HEPACAM: variants seen among roughly 807,000 people sequenced by gnomAD.
HEPACAM encodes the protein hepatic and glial cell adhesion molecule, also known as hepatocyte cell adhesion molecule.
HEPACAM carries 18 observed loss-of-function variants against 38.3 expected under a neutral mutation model. The observed-to-expected ratio is 0.47, with a 90% CI of 0.33 to 0.70. HEPACAM has a LOEUF of 0.70. HEPACAM is among the 30% of genes least tolerant of loss of function. The pLI, the probability that HEPACAM is intolerant of heterozygous loss-of-function variation, is 0.03. For synonymous variants in HEPACAM, 216 were observed against 243.1 expected (o/e 0.89, Z 1.04); for missense variants, 466 against 563.0 (o/e 0.83, Z 1.74).
At chr11:124,923,454 A>G (rs749538532) in intron 3 of HEPACAM, 21 bp from the exon 4 acceptor site, 3 of 1,533,964 alleles carry the variant, frequency 2.0e-6, no homozygotes, top group South Asian at 1.1e-5. Flanking sequence ...AGAGAAGCAG[A>G]GAGGCAGGAG....
Position 124,924,633 on chromosome 11 carries a change from G to A in HEPACAM, c.427+95C>T, listed in dbSNP as rs1312078333. ...CATTCTCAGCTCCCAAGTGCCTTTTGGGTTGGTTTTCCCTCAGTCTAGCTG... is the reference window on the plus strand; with the variant it reads ...CATTCTCAGCTCCCAAGTGCCTTTTAGGTTGGTTTTCCCTCAGTCTAGCTG... On this transcript the variant is annotated intron_variant, in intron 2 of 6. Transcript: ENST00000298251. The surrounding 1 kb of genome is among the most constrained non-coding windows in gnomAD (Gnocchi z 4.4). The A allele has an allele frequency of 1.8e-6, 2 of 1,114,620 alleles. No individual in the cohort carries two copies. Among genetic ancestry groups the A allele is most frequent in the African/African-American group, 3.1e-5 (2 of 65,458 alleles). 69.0% of individuals were successfully genotyped at this position (1,114,620 alleles called of 1,614,324 possible).
rs535609914 is a variant in HEPACAM at position 124,920,918 on chromosome 11, C to G, written c.*220G>C. The G allele has an allele frequency of 1.5e-6, 2 of 1,355,678 alleles. No homozygotes were observed. The highest frequency in any genetic ancestry group is 1.9e-6 in the Non-Finnish European group (2 of 1,057,146). The allele number at this position is 1,355,678 out of a possible 1,614,324, so 84.0% of individuals were successfully genotyped here. A position where few individuals can be genotyped will look rare whatever the true frequency, so the allele number is the denominator to read the frequency against. On this transcript the variant is annotated 3_prime_UTR_variant, in exon 7 of 7. Transcript: ENST00000298251. ...ACCAAGTGAGGACACAGCCAGTAAA[C>G]CGGAAGCAAATGCGACCCGGTTTCA...
At position 124,921,946 on chromosome 11, in the gene HEPACAM, G is replaced by A. The variant is rs967914459; in HGVS notation, c.948+442C>T. ...CACCCCCAGGCCGAGGACTGGTACT[G>A]GTCCATAGCCTGTTAGGAAGGGAGC... On this transcript the variant is annotated intron_variant, in intron 6 of 6. Coordinates refer to ENST00000298251, the MANE Select transcript of HEPACAM (RefSeq NM_152722.5). This position sits in a 1 kb window ranked among gnomAD's most constrained non-coding sequence, Gnocchi z 4.6. 6.6e-6 allele frequency among the ~76,000 whole-genome samples: 1 copy of A among 152,230 alleles called. No homozygotes were observed. Among genetic ancestry groups the A allele is most frequent in the Non-Finnish European group, 1.5e-5 (1 of 68,038 alleles).
Position 124,922,508 on chromosome 11 carries a change from A to G in HEPACAM, c.878-50T>C, listed in dbSNP as rs199505214. On this transcript the variant is annotated intron_variant, in intron 5 of 6. Coordinates refer to ENST00000298251, the MANE Select transcript of HEPACAM (RefSeq NM_152722.5). ...GCTGGCCCAGGTACAGACTCTCCCCACCAGCCGGCACCTACTCTCTGTGCT... is the reference window on the plus strand; with the variant it reads ...GCTGGCCCAGGTACAGACTCTCCCCGCCAGCCGGCACCTACTCTCTGTGCT... 1.1e-5 allele frequency: 18 copies of G among 1,593,262 alleles called. No individual in the cohort carries two copies. In the African/African-American group the frequency reaches 1.2e-4, roughly 11 times the overall value.
chr11:124,923,650 T>G, intron 3 of HEPACAM, 79 bp downstream of exon 3: 1 of 1,552,110 alleles, frequency 6.4e-7, no homozygotes, highest in Admixed American at 1.7e-5. Flanking sequence ...TGACATTTCT[T>G]TGGGATGTCC....
Position 124,919,640 on chromosome 11 carries a change from C to T in HEPACAM, c.*1498G>A, listed in dbSNP as rs899126537. 2.5e-5 allele frequency: 32 copies of T among 1,273,194 alleles called. No homozygotes were observed. Among genetic ancestry groups the T allele is most frequent in the East Asian group, 9.3e-5 (4 of 42,860 alleles). The allele number at this position is 1,273,194 out of a possible 1,614,324, so 78.9% of individuals were successfully genotyped here. A position where few individuals can be genotyped will look rare whatever the true frequency, so the allele number is the denominator to read the frequency against. Reference sequence around the variant, plus strand: ...TGCTCAAATGAGCCTGGGGAAGTGCCGAGGGACAGGGAGCTGAGACAGGCA... The same window carrying T: ...TGCTCAAATGAGCCTGGGGAAGTGCTGAGGGACAGGGAGCTGAGACAGGCA... On this transcript the variant is annotated 3_prime_UTR_variant, in exon 7 of 7. Transcript: ENST00000298251.
At chr11:124,925,731 G>A (rs1439350772) in intron 1 of HEPACAM, among the ~76,000 whole-genome samples, 1 of 152,180 alleles carries the variant, frequency 6.6e-6, no homozygotes, top group East Asian at 1.9e-4. Context: ...CCTGCAACTA[G>A]TAAGGTGGTT....
intron 1 of HEPACAM, among the ~76,000 whole-genome samples, chr11:124,929,698 A>G (rs1284254173): frequency 2.0e-5 from 3 of 152,024 alleles, no homozygotes; most frequent in Non-Finnish European, 2.9e-5. Flanking sequence ...CAACCTCAAC[A>G]ATGCGGTACT....
rs1947128784 is a variant in HEPACAM, at chr11:124,921,160, C to G, written c.1229G>C (p.Gly410Ala). The G allele has an allele frequency of 6.5e-7, 1 of 1,527,938 alleles. No individual in the cohort carries two copies. The highest frequency in any genetic ancestry group is 2.0e-5 in the Admixed American group (1 of 51,026). The allele number at this position is 1,527,938 out of a possible 1,614,324, so 94.6% of individuals were successfully genotyped here. A position where few individuals can be genotyped will look rare whatever the true frequency, so the allele number is the denominator to read the frequency against. ...VHIIREQDEAGPVEISA is the reference protein window; with the variant it reads ...VHIIREQDEAAPVEISA ...GGCTCAGGCGCTGATCTCCACCGGG[C>G]CGGCCTCGTCTTGCTCGCGGATTAT... Residue 410 changes from glycine to alanine, a missense_variant, in exon 7 of 7, where the codon GGC becomes GCC. Physicochemically the swap from Gly to Ala is moderately conservative, Grantham distance 60. Coordinates refer to ENST00000298251, the MANE Select transcript of HEPACAM (RefSeq NM_152722.5). The surrounding 1 kb of genome is among the most constrained non-coding windows in gnomAD (Gnocchi z 4.6).
rs886047920 is a variant in HEPACAM, at chr11:124,920,149, C to G, written c.*989G>C. On this transcript the variant is annotated 3_prime_UTR_variant, in exon 7 of 7. Transcript: ENST00000298251. ...GAAGCAATAAGCCTCCTCCTCCCCCCACCATTTCTCTGGAGATTAGGACTT... is the reference window on the plus strand; with the variant it reads ...GAAGCAATAAGCCTCCTCCTCCCCCGACCATTTCTCTGGAGATTAGGACTT... 8 of 1,058,410 alleles carry G rather than the reference C, an allele frequency of 7.6e-6. No individual in the cohort carries two copies. The highest frequency in any genetic ancestry group is 1.6e-5 in the African/African-American group (1 of 62,772). The allele number at this position is 1,058,410 out of a possible 1,614,324, so 65.6% of individuals were successfully genotyped here. A position where few individuals can be genotyped will look rare whatever the true frequency, so the allele number is the denominator to read the frequency against.
In HEPACAM at chr11:124,924,042, C is replaced by A. The variant is rs112739059; in HGVS notation, c.428-32G>T. On this transcript the variant is annotated intron_variant, in intron 2 of 6. Transcript: ENST00000298251. The surrounding 1 kb of genome is among the most constrained non-coding windows in gnomAD (Gnocchi z 4.4). ...CGCAGGAATGGGGGAGCCTGTAAGT[C>A]ATTGGCTAAGAAGTGTCTCCCTTCC... The A allele has an allele frequency of 3.5e-5, 55 of 1,586,240 alleles. No homozygotes were observed. In the African/African-American group the frequency reaches 5.0e-4, roughly 14 times the overall value.
Position 124,920,878 on chromosome 11 carries a change from G to A in HEPACAM, c.*260C>T, listed in dbSNP as rs1947122379. On this transcript the variant is annotated 3_prime_UTR_variant, in exon 7 of 7. Coordinates refer to ENST00000298251, the MANE Select transcript of HEPACAM (RefSeq NM_152722.5). Reference sequence around the variant, plus strand: ...AATGTAATAATCTATGTGGTCCTAAGAGGGCACAACCTATACCAAGTGAGG... The same window carrying A: ...AATGTAATAATCTATGTGGTCCTAAAAGGGCACAACCTATACCAAGTGAGG... 2.3e-6 allele frequency: 3 copies of A among 1,312,872 alleles called. No individual in the cohort carries two copies. The African/African-American group carries it at 4.7e-5, about 20-fold the overall frequency. 81.3% of individuals were successfully genotyped at this position (1,312,872 alleles called of 1,614,324 possible).
chr11:124,929,760 C>T (rs73018375), intron 1 of HEPACAM, among the ~76,000 whole-genome samples: 5 of 152,056 alleles, frequency 3.3e-5, no homozygotes, highest in Admixed American at 6.5e-5. Flanking sequence ...GCTGCGATGC[C>T]GGGAATGTCA....
At chr11:124,933,781 G>A (rs190232944) in intron 1 of HEPACAM, among the ~76,000 whole-genome samples, 251 of 152,168 alleles carry the variant, frequency 1.6e-3, no homozygotes, top group Non-Finnish European at 1.3e-3. Flanking sequence ...TGTCACATTG[G>A]ATCTCTTTGA....
intron 1 of HEPACAM, among the ~76,000 whole-genome samples, chr11:124,931,011 C>T (rs950017154): frequency 1.3e-5 from 2 of 152,168 alleles, no homozygotes; most frequent in African/African-American, 4.8e-5. Flanking sequence ...AAATTAAGAG[C>T]TTCTATTCAT....
chr11:124,927,898 A>C (rs1947237874), intron 1 of HEPACAM, among the ~76,000 whole-genome samples: 1 of 152,094 alleles, frequency 6.6e-6, no homozygotes, highest in Non-Finnish European at 1.5e-5. Flanking sequence ...CTCAAAAAAT[A>C]AATAAATAAG....
intron 1 of HEPACAM, among the ~76,000 whole-genome samples, chr11:124,925,574 CAAAG>C (rs760579640): frequency 1.3e-5 from 2 of 152,030 alleles, no homozygotes; most frequent in Non-Finnish European, 2.9e-5. Context: ...CACAGATTCA[CAAAG>C]AAAGGAGCGG....
rs753138483 is a variant in HEPACAM, at chr11:124,921,352, A to G, written c.1037T>C (p.Val346Ala). Residue 346 changes from valine (V) to alanine (A), a missense_variant, in exon 7 of 7, where the codon GTG becomes GCG. Val to Ala is a moderately conservative substitution (Grantham distance 64). Transcript: ENST00000298251. This position sits in a 1 kb window ranked among gnomAD's most constrained non-coding sequence, Gnocchi z 4.6. ...GPPGYSVSPA[V>A]PGRSPGLPIR... Reference sequence around the variant, plus strand: ...GGGCAGCCCCGGCGAGCGGCCGGGCACGGCGGGAGACACGGAGTAGCCGGG... The same window carrying G: ...GGGCAGCCCCGGCGAGCGGCCGGGCGCGGCGGGAGACACGGAGTAGCCGGG... 7 of 1,266,792 alleles carry G rather than the reference A, an allele frequency of 5.5e-6. No homozygotes were observed. Among genetic ancestry groups the G allele is most frequent in the Non-Finnish European group, 6.9e-6 (7 of 1,010,628 alleles). The allele number at this position is 1,266,792 out of a possible 1,614,324, so 78.5% of individuals were successfully genotyped here.
Position 124,924,531 on chromosome 11 carries a change from A to G in HEPACAM, c.427+197T>C. Reference sequence around the variant, plus strand: ...TCAACATATGCAAAGCACTTAGAATAGTTTCTGGCACATGGCAATCACTCT... The same window carrying G: ...TCAACATATGCAAAGCACTTAGAATGGTTTCTGGCACATGGCAATCACTCT... On this transcript the variant is annotated intron_variant, in intron 2 of 6. Transcript: ENST00000298251. The surrounding 1 kb of genome is among the most constrained non-coding windows in gnomAD (Gnocchi z 4.4). 3.0e-6 allele frequency: 2 copies of G among 665,618 alleles called. No homozygotes were observed. The highest frequency in any genetic ancestry group is 5.5e-6 in the Non-Finnish European group (2 of 366,972). 41.2% of individuals were successfully genotyped at this position (665,618 alleles called of 1,614,324 possible).
Sources: gnomAD v4.1 joint callset for allele counts (sites outside exome capture counted in the v4.1 genomes callset) on GRCh38, gnomAD v4.1.1 for gene constraint, Gnocchi (gnomAD v3.1) non-coding constraint, MANE v1.5 for transcripts, NCBI Gene and HGNC (gene_info 2026-07-23, HGNC 2026-07-21) for gene names.